The following PPP1CB variants were observed in gnomAD, a reference collection of about 807,000 sequenced individuals.
PPP1CB encodes the protein serine/threonine-protein phosphatase PP1-beta catalytic subunit.
Under a neutral mutation model 43.7 loss-of-function variants are expected in PPP1CB, and 2 were observed. The ratio of observed to expected loss-of-function variants is 0.05; its 90% CI spans 0.02 to 0.14. The LOEUF is 0.14. Among genes scored for constraint, PPP1CB ranks in the 10% least tolerant of loss-of-function variants. The pLI, the probability that PPP1CB is intolerant of heterozygous loss-of-function variation, is 1.00. For missense variants in PPP1CB, 84 were observed against 398.0 expected (o/e 0.21, Z 6.71); for synonymous variants, 136 against 135.6 (o/e 1.00, Z -0.02).
chr2:28,754,158 TTTTAAAATG>T (rs1281562591), intron 1 of PPP1CB, among the ~76,000 whole-genome samples: 1 of 152,218 alleles, frequency 6.6e-6, no homozygotes, highest in Non-Finnish European at 1.5e-5. Flanking sequence ...CAGATTTATG[TTTTAAAATG>T]TTTGTATCCT....
chr2:28,786,240 A>G (rs1237122070), intron 5 of PPP1CB, among the ~76,000 whole-genome samples: 1 of 152,054 alleles, frequency 6.6e-6, no homozygotes, highest in Non-Finnish European at 1.5e-5. Context: ...CAGCCTCCCA[A>G]GTAGCTAGAA....
At chr2:28,776,326 G>A (rs939674641) in intron 1 of PPP1CB, among the ~76,000 whole-genome samples, 1 of 151,764 alleles carries the variant, frequency 6.6e-6, no homozygotes, top group Non-Finnish European at 1.5e-5. Flanking sequence ...GCAATGGGGC[G>A]ATCTCAGCTC....
Position 28,784,503 on chromosome 2 carries a change from A to G in PPP1CB, c.592+525A>G, listed in dbSNP as rs541421183. ...GGCCTTGAATTCCTAGGCTCAAGCA[A>G]TCCTCCTGCCTCTTCTGAGTAGCTA... On this transcript the variant is annotated intron_variant, in intron 5 of 7. Transcript: ENST00000395366. 4.5e-4 allele frequency among the ~76,000 whole-genome samples: 68 copies of G among 152,166 alleles called. 1 individual carries two copies. The highest frequency in any genetic ancestry group is 1.2e-3 in the African/African-American group (51 of 41,524).
chr2:28,780,785 T>G (rs986984814), intron 3 of PPP1CB, among the ~76,000 whole-genome samples: 11 of 152,154 alleles, frequency 7.2e-5, no homozygotes, highest in Admixed American at 2.6e-4. Flanking sequence ...GAAAATCGAG[T>G]AACTCTAAAA....
In PPP1CB at chr2:28,794,014, AAT is replaced by A; in HGVS notation, c.879+23_879+24del. The A allele has an allele frequency of 2.5e-6, 4 of 1,572,540 alleles. No individual in the cohort carries two copies. The highest frequency in any genetic ancestry group is 3.5e-6 in the Non-Finnish European group (4 of 1,151,500). ...TCATTTCAGGTATGATGTAAACATA[AAT>A]ATATAAGAACTAGAAATCTAATAAA... On this transcript the variant is annotated intron_variant, in intron 7 of 7. Transcript: ENST00000395366.
At chr2:28,760,304 G>C (rs967327934) in intron 1 of PPP1CB, among the ~76,000 whole-genome samples, 31 of 152,160 alleles carry the variant, frequency 2.0e-4, no homozygotes, top group African/African-American at 7.2e-4. Context: ...AGTTTCTAAA[G>C]TAAAAAATGT....
At chr2:28,779,567 G>A (rs1265562115) in intron 3 of PPP1CB, among the ~76,000 whole-genome samples, 2 of 152,088 alleles carry the variant, frequency 1.3e-5, no homozygotes, top group Non-Finnish European at 2.9e-5. Context: ...TCAACGATTT[G>A]GTATTGTATG....
intron 5 of PPP1CB, among the ~76,000 whole-genome samples, chr2:28,786,729 C>G (rs549357175): frequency 7.5e-6 from 1 of 134,160 alleles, no homozygotes; most frequent in African/African-American, 2.9e-5. Flanking sequence ...GAGCCGAGAT[C>G]GTGCCACTGC....
At chr2:28,784,738 A>T (rs1404664477) in intron 5 of PPP1CB, among the ~76,000 whole-genome samples, 1 of 151,692 alleles carries the variant, frequency 6.6e-6, no homozygotes, top group Non-Finnish European at 1.5e-5. Context: ...GGCCAACGTG[A>T]TGAAACCCCA....
intron 5 of PPP1CB, 76 bp from the exon 6 acceptor site, chr2:28,788,582 A>G: frequency 4.1e-6 from 6 of 1,477,388 alleles, no homozygotes; most frequent in South Asian, 2.4e-5. Flanking sequence ...AAAGGAACTG[A>G]AATTTGATGT....
At chr2:28,762,409 A>G (rs1253378756) in intron 1 of PPP1CB, among the ~76,000 whole-genome samples, 1 of 152,202 alleles carries the variant, frequency 6.6e-6, no homozygotes, top group Non-Finnish European at 1.5e-5. Flanking sequence ...ATGCAAATCT[A>G]ATGTCTTTTT....
At chr2:28,775,587 G>A in intron 1 of PPP1CB, among the ~76,000 whole-genome samples, 1 of 152,140 alleles carries the variant, frequency 6.6e-6, no homozygotes, top group Non-Finnish European at 1.5e-5. Context: ...TTGCTGCCCA[G>A]GCTGGTCTCG....
chr2:28,790,196 G>A (rs749663317), intron 6 of PPP1CB, among the ~76,000 whole-genome samples: 4 of 152,092 alleles, frequency 2.6e-5, no homozygotes, highest in South Asian at 2.1e-4. Context: ...CAGGAAAGTC[G>A]CTTGAGCTCA....
At chr2:28,797,423 T>C (rs1015527850) in intron 7 of PPP1CB, among the ~76,000 whole-genome samples, 1 of 152,148 alleles carries the variant, frequency 6.6e-6, no homozygotes, top group South Asian at 2.1e-4. Flanking sequence ...ATAGGTTTTT[T>C]TATTACTGAT....
At chr2:28,790,138 G>A (rs936368469) in intron 6 of PPP1CB, among the ~76,000 whole-genome samples, 1 of 151,946 alleles carries the variant, frequency 6.6e-6, no homozygotes, top group African/African-American at 2.4e-5. Context: ...AAAACAGCCA[G>A]ATGTGGTGGT....
At chr2:28,783,657 T>C (rs1667202032) in intron 4 of PPP1CB, among the ~76,000 whole-genome samples, 1 of 151,696 alleles carries the variant, frequency 6.6e-6, no homozygotes, top group Non-Finnish European at 1.5e-5. Flanking sequence ...CTCGGGAGAC[T>C]GAGGCAGGAG....
In PPP1CB at chr2:28,799,827, A is replaced by T. The variant is rs1301908650; in HGVS notation, c.*524A>T. The T allele has an allele frequency of 6.6e-6, 1 of 152,530 alleles. No individual in the cohort carries two copies. Among genetic ancestry groups the T allele is most frequent in the Non-Finnish European group, 1.5e-5 (1 of 67,970 alleles). The allele number at this position is 152,530 out of a possible 1,614,324, so 9.4% of individuals were successfully genotyped here. Reference sequence around the variant, plus strand: ...TATTTTCCCTTGTTTATCTACTTAGATATCTGTTTAATCTTACTAAGAAAA... The same window carrying T: ...TATTTTCCCTTGTTTATCTACTTAGTTATCTGTTTAATCTTACTAAGAAAA... On this transcript the variant is annotated 3_prime_UTR_variant, in exon 8 of 8. Transcript: ENST00000395366.
At chr2:28,779,734 C>A (rs891061662) in intron 3 of PPP1CB, among the ~76,000 whole-genome samples, 4 of 152,050 alleles carry the variant, frequency 2.6e-5, no homozygotes, top group African/African-American at 9.7e-5. Flanking sequence ...CTATTAGAAT[C>A]TACTTTTGCT....
At chr2:28,759,413 A>T (rs1666585882) in intron 1 of PPP1CB, among the ~76,000 whole-genome samples, 3 of 150,442 alleles carry the variant, frequency 2.0e-5, no homozygotes. Context: ...CCAGTTACTC[A>T]GGAGGCTGAG....
Sources: allele counts gnomAD v4.1 joint callset (sites outside exome capture counted in the v4.1 genomes callset), GRCh38; gene constraint gnomAD v4.1.1; transcripts MANE v1.5; gene names NCBI Gene and HGNC (gene_info 2026-07-23, HGNC 2026-07-21).